Variants in CAMKV observed in about 807,000 individuals in gnomAD.
CAMKV encodes the protein caM kinase-like vesicle-associated protein.
A neutral mutation model predicts 50.2 loss-of-function variants in CAMKV; 5 were observed. That is an observed-to-expected ratio of 0.10 (90% CI 0.05 to 0.21). The LOEUF is 0.21. CAMKV is among the 10% of genes least tolerant of loss of function. The pLI is 1.00. For missense variants in CAMKV, 361 were observed against 650.5 expected, an observed-to-expected ratio of 0.55 and a Z score of 4.84; for synonymous variants, 229 against 250.1, an observed-to-expected ratio of 0.92 and a Z score of 0.80.
rs531294969 is a variant in CAMKV, at chr3:49,867,906, C to T, written c.-15+1852G>A. Among the ~76,000 whole-genome samples the T allele has an allele frequency of 2.0e-5, 3 of 152,294 alleles. No individual in the cohort carries two copies. The South Asian group carries it at 6.2e-4, about 32-fold the overall frequency. ...GGGCGGATGGGTGCCCAGCAGAGCC[C>T]TAAGGCCTCCATGGCGATGTGCTCT... On this transcript the variant is annotated intron_variant, in intron 1 of 10. Coordinates refer to ENST00000477224, the MANE Select transcript of CAMKV (RefSeq NM_024046.5).
chr3:49,859,415 G>A lies in CAMKV; in HGVS notation c.1409C>T (p.Thr470Ile), dbSNP rs2082001661. The A allele has an allele frequency of 6.2e-7, 1 of 1,610,738 alleles. No individual in the cohort carries two copies. The highest frequency in any genetic ancestry group is 8.5e-7 in the Non-Finnish European group (1 of 1,177,822). ...CTGGCCTGTGGCGCCCTCTGGGGCTGTGCTGTCCGGCTGGGCCATAGCCGG... is the reference window on the plus strand; with the variant it reads ...CTGGCCTGTGGCGCCCTCTGGGGCTATGCTGTCCGGCTGGGCCATAGCCGG... ...PEPAMAQPDS[T>I]APEGATGQAP... Residue 470 changes from threonine (T) to isoleucine (I), a missense_variant, in exon 11 of 11, where the codon ACA becomes ATA. Around this residue, in one of 4 missense-constraint regions of CAMKV, gnomAD observed 75 missense variants for 84.2 expected, o/e 0.89. Transcript: ENST00000477224. This position sits in a 1 kb window ranked among gnomAD's most constrained non-coding sequence, Gnocchi z 5.5.
chr3:49,859,239 TC>T lies in CAMKV; in HGVS notation c.*78del, dbSNP rs952515618. 5 of 1,293,794 alleles carry T rather than the reference TC, an allele frequency of 3.9e-6. No individual in the cohort carries two copies. The highest frequency in any genetic ancestry group is 5.3e-6 in the Non-Finnish European group (5 of 946,098). 80.1% of individuals were successfully genotyped at this position (1,293,794 alleles called of 1,614,324 possible). On this transcript the variant is annotated 3_prime_UTR_variant, in exon 11 of 11. Transcript: ENST00000477224. The surrounding 1 kb of genome is among the most constrained non-coding windows in gnomAD (Gnocchi z 5.5). Reference sequence around the variant, plus strand: ...GGAGCGAGGGCATCATGCCAGTGACTCTATGTACAGTGAGAAGCCCCTCATC... The same window carrying T: ...GGAGCGAGGGCATCATGCCAGTGACTTATGTACAGTGAGAAGCCCCTCATC...
Position 49,859,730 on chromosome 3 carries a change from G to A in CAMKV, c.1094C>T (p.Ala365Val), listed in dbSNP as rs149916894. The A allele has an allele frequency of 1.9e-6, 3 of 1,592,090 alleles. No individual in the cohort carries two copies. Among genetic ancestry groups the A allele is most frequent in the East Asian group, 2.2e-5 (1 of 44,704 alleles). Residue 365 changes from alanine to valine, a missense_variant, in exon 11 of 11, where the codon GCC (alanine) becomes GTC (valine). Physicochemically the swap from Ala to Val is moderately conservative, Grantham distance 64. Transcript: ENST00000477224. The surrounding 1 kb of genome is among the most constrained non-coding windows in gnomAD (Gnocchi z 5.5). ...TAAAASGATS[A>V]PEGDAARAAK... Reference sequence around the variant, plus strand: ...AGCACGAGCAGCATCACCCTCAGGGGCTGAGGTAGCTCCACTCGCAGCTGC... The same window carrying A: ...AGCACGAGCAGCATCACCCTCAGGGACTGAGGTAGCTCCACTCGCAGCTGC...
At position 49,858,123 on chromosome 3, in the gene CAMKV, G is replaced by C. The variant is rs921252692; in HGVS notation, c.*1195C>G. On this transcript the variant is annotated 3_prime_UTR_variant, in exon 11 of 11. Coordinates refer to ENST00000477224, the MANE Select transcript of CAMKV (RefSeq NM_024046.5). ...ACCACGGAGTGCCGAGCAAGGGCGAGGACCAATGTGGCTGCCTATCCAGGC... is the reference window on the plus strand; with the variant it reads ...ACCACGGAGTGCCGAGCAAGGGCGACGACCAATGTGGCTGCCTATCCAGGC... The C allele has an allele frequency of 2.5e-6, 1 of 397,064 alleles. No individual in the cohort carries two copies. Among genetic ancestry groups the C allele is most frequent in the Non-Finnish European group, 4.4e-6 (1 of 225,628 alleles). 24.6% of individuals were successfully genotyped at this position (397,064 alleles called of 1,614,324 possible).
intron 1 of CAMKV, among the ~76,000 whole-genome samples, chr3:49,864,508 A>T (rs1453658845): frequency 1.3e-5 from 2 of 152,046 alleles, no homozygotes; most frequent in Non-Finnish European, 2.9e-5. Flanking sequence ...CCTCATCTGT[A>T]GTGCTAGGGG....
At chr3:49,863,795 C>G (rs894167344) in intron 1 of CAMKV, 1 of 151,760 alleles carries the variant, frequency 6.6e-6, no homozygotes, top group African/African-American at 2.4e-5. Context: ...TAGGACTGGA[C>G]CATAGGTGCA....
At position 49,869,401 on chromosome 3, in the gene CAMKV, C is replaced by T. The variant is rs543108807; in HGVS notation, c.-15+357G>A. 6.6e-6 allele frequency among the ~76,000 whole-genome samples: 1 copy of T among 152,202 alleles called. No homozygotes were observed. Among genetic ancestry groups the T allele is most frequent in the East Asian group, 1.9e-4 (1 of 5,170 alleles). On this transcript the variant is annotated intron_variant, in intron 1 of 10. Coordinates refer to ENST00000477224, the MANE Select transcript of CAMKV (RefSeq NM_024046.5). This position sits in a 1 kb window ranked among gnomAD's most constrained non-coding sequence, Gnocchi z 5.2. ...ACTGCTAAGCGGGAGGGAAGGGGCC[C>T]GGGGACAGTTGGGAGGGGCTGGAGG...
chr3:49,860,642 C>G lies in CAMKV; in HGVS notation c.775+74G>C, dbSNP rs547223826. The G allele has an allele frequency of 1.2e-6, 2 of 1,611,622 alleles. No individual in the cohort carries two copies. The highest frequency in any genetic ancestry group is 1.7e-6 in the Non-Finnish European group (2 of 1,178,000). On this transcript the variant is annotated intron_variant, in intron 8 of 10. Coordinates refer to ENST00000477224, the MANE Select transcript of CAMKV (RefSeq NM_024046.5). This position sits in a 1 kb window ranked among gnomAD's most constrained non-coding sequence, Gnocchi z 6.1. Reference sequence around the variant, plus strand: ...GCTGGGGGACAGAAGCAGAATACCACAGAGGAAGATGAGAGCAGGACACCC... The same window carrying G: ...GCTGGGGGACAGAAGCAGAATACCAGAGAGGAAGATGAGAGCAGGACACCC...
At position 49,862,167 on chromosome 3, in the gene CAMKV, A is replaced by G. The variant is rs748137045; in HGVS notation, c.105T>C (p.Phe35=). ...DLGQVIKTEE[F]CEIFRAKDKT... ...TGTCCTTGGCCCGGAAGATTTCACAAAACTCCTCACTGCAGCCGACAGGCA... is the reference window on the plus strand; with the variant it reads ...TGTCCTTGGCCCGGAAGATTTCACAGAACTCCTCACTGCAGCCGACAGGCA... The change falls in exon 3 of 11, where the codon TTT becomes TTC. Residue 35 remains phenylalanine, a synonymous_variant. Transcript: ENST00000477224. The surrounding 1 kb of genome is among the most constrained non-coding windows in gnomAD (Gnocchi z 5.2). 2 of 1,614,088 alleles carry G rather than the reference A, an allele frequency of 1.2e-6. No individual in the cohort carries two copies. The highest frequency in any genetic ancestry group is 1.7e-6 in the Non-Finnish European group (2 of 1,180,004).
chr3:49,861,163 C>G lies in CAMKV; in HGVS notation c.562+17G>C. ...GCCCCCCATTATCCCCCTGCCCCTG[C>G]CCCACCCCCTGCTTGCCCAGATACT... is the stretch of plus-strand genomic sequence containing the variant. On this transcript the variant is annotated intron_variant, in intron 6 of 10. Transcript: ENST00000477224. This position sits in a 1 kb window ranked among gnomAD's most constrained non-coding sequence, Gnocchi z 7.7. 1 of 1,606,036 alleles carries G rather than the reference C, an allele frequency of 6.2e-7. No homozygotes were observed. Among genetic ancestry groups the G allele is most frequent in the Non-Finnish European group, 8.5e-7 (1 of 1,176,400 alleles).
rs1403047190 is a variant in CAMKV at position 49,869,099 on chromosome 3, C to G, written c.-15+659G>C. ...TTCCCAAGTGCTGCTGGCTCGCCCC[C>G]GCTGGCACAGCAACACACATGCGGA... On this transcript the variant is annotated intron_variant, in intron 1 of 10. Transcript: ENST00000477224. The surrounding 1 kb of genome is among the most constrained non-coding windows in gnomAD (Gnocchi z 5.2). Among the ~76,000 whole-genome samples, 2 of 152,208 alleles carry G rather than the reference C, an allele frequency of 1.3e-5. No homozygotes were observed. Among genetic ancestry groups the G allele is most frequent in the Non-Finnish European group, 2.9e-5 (2 of 68,034 alleles).
Position 49,859,765 on chromosome 3 carries a change from C to A in CAMKV, c.1059G>T (p.Gly353=). 1 of 1,565,018 alleles carries A rather than the reference C, an allele frequency of 6.4e-7. No individual in the cohort carries two copies. Among genetic ancestry groups the A allele is most frequent in the Non-Finnish European group, 8.6e-7 (1 of 1,156,160 alleles). The change falls in exon 11 of 11, where the codon GGG becomes GGT. Residue 353 remains glycine (G), a synonymous_variant. Transcript: ENST00000477224. The surrounding 1 kb of genome is among the most constrained non-coding windows in gnomAD (Gnocchi z 5.5). ...CTCCACTCGCAGCTGCAGCTGTGGC[C>A]CCACCTGCAGCCCCGGGGGTGGCAG... ...TDTATPGAAG[G]ATAAAASGAT...
chr3:49,859,295 C>T lies in CAMKV; in HGVS notation c.*23G>A, dbSNP rs1228307197. 1.3e-6 allele frequency: 2 copies of T among 1,502,700 alleles called. No individual in the cohort carries two copies. The highest frequency in any genetic ancestry group is 1.8e-6 in the Non-Finnish European group (2 of 1,128,860). The allele number at this position is 1,502,700 out of a possible 1,614,324, so 93.1% of individuals were successfully genotyped here. On this transcript the variant is annotated 3_prime_UTR_variant, in exon 11 of 11. Transcript: ENST00000477224. This position sits in a 1 kb window ranked among gnomAD's most constrained non-coding sequence, Gnocchi z 5.5. ...CTCCCACCCTCCTGCCCATCCCCTGCCCCCCCTCACCAGGCTGCCTACTCA... is the reference window on the plus strand; with the variant it reads ...CTCCCACCCTCCTGCCCATCCCCTGTCCCCCCTCACCAGGCTGCCTACTCA...
In CAMKV at chr3:49,859,673, C is replaced by T. The variant is rs746089971; in HGVS notation, c.1151G>A (p.Arg384His). 2.2e-5 allele frequency: 36 copies of T among 1,613,966 alleles called. No individual in the cohort carries two copies. The highest frequency in any genetic ancestry group is 8.8e-5 in the South Asian group (8 of 91,064). Residue 384 changes from arginine (R) to histidine (H), a missense_variant, in exon 11 of 11, where the codon CGT becomes CAT. Physicochemically the swap from Arg to His is conservative, Grantham distance 29. Around this residue, in one of 4 missense-constraint regions of CAMKV, gnomAD observed 87 missense variants for 92.0 expected, o/e 0.95. Transcript: ENST00000477224. The surrounding 1 kb of genome is among the most constrained non-coding windows in gnomAD (Gnocchi z 5.5). ...AKSDNVAPAD[R>H]SATPATDGSA... ...TCCATCTGTGGCTGGGGTGGCACTA[C>T]GGTCTGCGGGGGCCACATTATCACT...
intron 1 of CAMKV, among the ~76,000 whole-genome samples, chr3:49,868,688 AG>A (rs1469809760): frequency 6.6e-6 from 1 of 152,194 alleles, no homozygotes; most frequent in Non-Finnish European, 1.5e-5. Flanking sequence ...GAGGAAACTG[AG>A]GCTCAGAAGT....
At chr3:49,868,174 A>T (rs1326245043) in intron 1 of CAMKV, among the ~76,000 whole-genome samples, 1 of 152,126 alleles carries the variant, frequency 6.6e-6, no homozygotes, top group Admixed American at 6.5e-5. Context: ...AGGCAGACGC[A>T]TAGGGGTATG....
In CAMKV at chr3:49,860,723, C is replaced by T. The variant is rs147195969; in HGVS notation, c.768G>A (p.Ser256=). Residue 256 remains serine (S), a synonymous_variant, in exon 8 of 11, where the codon TCG becomes TCA. Coordinates refer to ENST00000477224, the MANE Select transcript of CAMKV (RefSeq NM_024046.5). This position sits in a 1 kb window ranked among gnomAD's most constrained non-coding sequence, Gnocchi z 6.1. The part of the protein sequence containing the change: ...EFDSPYWDDI[S]QAAKDLVTRL... The stretch of plus-strand genomic sequence containing the variant: ...GGGCAGGCACCTCCTCACCTGCCTG[C>T]GAAATATCATCCCAATATGGAGAGT... 31 of 1,613,960 alleles carry T rather than the reference C, an allele frequency of 1.9e-5. No individual in the cohort carries two copies. Among genetic ancestry groups the T allele is most frequent in the African/African-American group, 2.7e-5 (2 of 74,904 alleles).
At chr3:49,867,761 A>G (rs544584244) in intron 1 of CAMKV, among the ~76,000 whole-genome samples, 1 of 152,176 alleles carries the variant, frequency 6.6e-6, no homozygotes, top group East Asian at 1.9e-4. Flanking sequence ...AAAAAAGAGA[A>G]TGGGGCAGAG....
In CAMKV at chr3:49,859,426, C is replaced by T. The variant is rs750131439; in HGVS notation, c.1398G>A (p.Gln466=). 3.7e-6 allele frequency: 6 copies of T among 1,612,332 alleles called. No homozygotes were observed. Among genetic ancestry groups the T allele is most frequent in the Non-Finnish European group, 5.1e-6 (6 of 1,178,740 alleles). Residue 466 remains glutamine (Q), a synonymous_variant, in exon 11 of 11, where the codon CAG becomes CAA. Transcript: ENST00000477224. The surrounding 1 kb of genome is among the most constrained non-coding windows in gnomAD (Gnocchi z 5.5). Reference sequence around the variant, plus strand: ...CGCCCTCTGGGGCTGTGCTGTCCGGCTGGGCCATAGCCGGCTCAGGGGTGG... The same window carrying T: ...CGCCCTCTGGGGCTGTGCTGTCCGGTTGGGCCATAGCCGGCTCAGGGGTGG... ...AAATPEPAMA[Q]PDSTAPEGAT...
Sources: gnomAD v4.1 joint callset for allele counts (sites outside exome capture counted in the v4.1 genomes callset) on GRCh38, gnomAD v4.1.1 for gene constraint, gnomAD v4.1.1 regional missense constraint, Gnocchi (gnomAD v3.1) non-coding constraint, MANE v1.5 for transcripts, NCBI Gene and HGNC (gene_info 2026-07-23, HGNC 2026-07-21) for gene names.